SCHIP1: variants seen among roughly 807,000 people sequenced by gnomAD.
SCHIP1 encodes the protein schwannomin-interacting protein 1.
SCHIP1 carries 8 observed loss-of-function variants against 29.7 expected under a neutral mutation model. The observed-to-expected ratio is 0.27, with a 90% confidence interval of 0.16 to 0.49. The LOEUF (loss-of-function observed/expected upper bound fraction) is 0.49. Among genes scored for constraint, SCHIP1 ranks in the 20% least tolerant of loss-of-function variants. The pLI, the probability that SCHIP1 is intolerant of heterozygous loss-of-function variation, is 0.99. For missense variants in SCHIP1, 193 were observed against 294.6 expected, an observed-to-expected ratio of 0.66 and a Z score of 2.52; for synonymous variants, 76 against 94.9, an observed-to-expected ratio of 0.80 and a Z score of 1.16.
chr3:159,404,060 A>G, the SCHIP1 span, among the ~76,000 whole-genome samples: 1 of 152,146 alleles, frequency 6.6e-6, no homozygotes, highest in Non-Finnish European at 1.5e-5. Flanking sequence ...GAAGAGAAGA[A>G]CCCAGTCCTT....
intron 2 of SCHIP1, among the ~76,000 whole-genome samples, chr3:159,878,834 AAAAT>A (rs1355566142): frequency 1.3e-5 from 2 of 150,338 alleles, no homozygotes; most frequent in Admixed American, 1.3e-4. Flanking sequence ...AAAATAAATA[AAAAT>A]AAATAAATTC....
the SCHIP1 span, among the ~76,000 whole-genome samples, chr3:159,395,062 G>A: frequency 0.14 from 21,066 of 152,168 alleles, 1,710 homozygotes; most frequent in African/African-American, 0.2. Flanking sequence ...ATGTGTCGAG[G>A]AATTTATCCA....
the SCHIP1 span, among the ~76,000 whole-genome samples, chr3:159,281,441 T>C: frequency 6.6e-6 from 1 of 152,220 alleles, no homozygotes; most frequent in African/African-American, 2.4e-5. Flanking sequence ...AAAAATAATA[T>C]GCTTTATATA....
the SCHIP1 span, among the ~76,000 whole-genome samples, chr3:159,589,781 T>C: frequency 6.6e-6 from 1 of 152,184 alleles, no homozygotes; most frequent in Non-Finnish European, 1.5e-5. Context: ...GAAATGTTTA[T>C]GTTTACTGAG....
chr3:159,888,061 C>T (rs1717131608), intron 4 of SCHIP1, 156 bp downstream of exon 5: 2 of 1,085,906 alleles, frequency 1.8e-6, no homozygotes, highest in Admixed American at 5.6e-5. Flanking sequence ...GTTTCTTTTT[C>T]CTTCCTACTG....
chr3:159,460,165 G>T, the SCHIP1 span, among the ~76,000 whole-genome samples: 5 of 152,178 alleles, frequency 3.3e-5, no homozygotes, highest in African/African-American at 1.2e-4. Flanking sequence ...GCAGCAAGAG[G>T]AAGCTTCTAG....
At chr3:159,274,388 A>T in the SCHIP1 span, 4 of 966,458 alleles carry the variant, frequency 4.1e-6, no homozygotes, top group Middle Eastern at 1.1e-3. Context: ...TTGATGACTT[A>T]AAAAATCTCA....
At chr3:159,493,556 C>T in the SCHIP1 span, among the ~76,000 whole-genome samples, 1 of 151,894 alleles carries the variant, frequency 6.6e-6, no homozygotes, top group Non-Finnish European at 1.5e-5. Context: ...AGCTAACTAT[C>T]CTAAATATAT....
At chr3:159,874,972 A>G (rs1715638051) in intron 2 of SCHIP1, among the ~76,000 whole-genome samples, 1 of 151,362 alleles carries the variant, frequency 6.6e-6, no homozygotes, top group African/African-American at 2.4e-5. Context: ...ATGGTAGCTA[A>G]TGATGACTTC....
the SCHIP1 span, chr3:159,764,744 CG>C: frequency 1.3e-6 from 2 of 1,572,620 alleles, no homozygotes; most frequent in East Asian, 2.4e-5. The surrounding 1 kb of genome is among the most constrained non-coding windows in gnomAD (Gnocchi z 6.1). Flanking sequence ...GCCCGGGAAC[CG>C]GGGGACGTAA....
the SCHIP1 span, among the ~76,000 whole-genome samples, chr3:159,421,034 A>G: frequency 6.6e-6 from 1 of 152,336 alleles, no homozygotes; most frequent in East Asian, 1.9e-4. Context: ...TCAAATGTTC[A>G]TCAAGGATGA....
the SCHIP1 span, among the ~76,000 whole-genome samples, chr3:159,616,265 AT>A: frequency 2.5e-4 from 38 of 151,960 alleles, no homozygotes; most frequent in African/African-American, 8.2e-4. Context: ...TGCCCAACTA[AT>A]TTTTTTTGTA....
chr3:159,610,623 C>A, the SCHIP1 span, among the ~76,000 whole-genome samples: 1 of 152,108 alleles, frequency 6.6e-6, no homozygotes, highest in Non-Finnish European at 1.5e-5. Flanking sequence ...GAGTTTGAAA[C>A]AAAATCTATT....
the SCHIP1 span, among the ~76,000 whole-genome samples, chr3:159,441,298 G>C: frequency 6.6e-6 from 1 of 152,156 alleles, no homozygotes; most frequent in African/African-American, 2.4e-5. Context: ...GCATGGACCT[G>C]TTTAGTTATT....
At chr3:159,688,687 A>G in the SCHIP1 span, among the ~76,000 whole-genome samples, 1 of 152,050 alleles carries the variant, frequency 6.6e-6, no homozygotes, top group Non-Finnish European at 1.5e-5. Flanking sequence ...CTATGTCCTG[A>G]ATGGTATTGT....
the SCHIP1 span, among the ~76,000 whole-genome samples, chr3:159,619,029 A>G: frequency 2.8e-3 from 426 of 152,370 alleles, 4 homozygotes; most frequent in African/African-American, 9.6e-3. Context: ...CCAATAAAAT[A>G]TGTATGTAGA....
chr3:159,876,738 G>T (rs1715853419), intron 2 of SCHIP1, among the ~76,000 whole-genome samples: 1 of 152,294 alleles, frequency 6.6e-6, no homozygotes, highest in African/African-American at 2.4e-5. Context: ...TGTTTCTTGT[G>T]CACAAAAAGA....
At chr3:159,343,676 T>C in the SCHIP1 span, among the ~76,000 whole-genome samples, 12 of 152,184 alleles carry the variant, frequency 7.9e-5, no homozygotes, top group Non-Finnish European at 1.3e-4. Flanking sequence ...AGCAGGGAAG[T>C]ATATGTCATC....
chr3:159,489,054 T>C, the SCHIP1 span, among the ~76,000 whole-genome samples: 11 of 152,226 alleles, frequency 7.2e-5, no homozygotes, highest in Non-Finnish European at 1.6e-4. Flanking sequence ...CTCCTCTATA[T>C]GCAATGATAG....
Sources: allele counts gnomAD v4.1 joint callset (sites outside exome capture counted in the v4.1 genomes callset), GRCh38; gene constraint gnomAD v4.1.1; non-coding constraint Gnocchi (gnomAD v3.1); transcripts MANE v1.5; gene names NCBI Gene and HGNC (gene_info 2026-07-23, HGNC 2026-07-21).